The following ATP6V1H variants were observed in gnomAD, a reference collection of about 807,000 sequenced individuals.
ATP6V1H encodes the protein V-type proton ATPase subunit H.
Under a neutral mutation model 71.7 loss-of-function variants are expected in ATP6V1H, and 39 were observed. The ratio of observed to expected loss-of-function variants is 0.54; its 90% CI spans 0.42 to 0.71. ATP6V1H has a LOEUF of 0.71. Among genes scored for constraint, ATP6V1H ranks in the 30% least tolerant of loss-of-function variants. ATP6V1H has a pLI of 0.00. For synonymous variants in ATP6V1H, 192 were observed against 199.3 expected, an observed-to-expected ratio of 0.96 and a Z score of 0.31; for missense variants, 509 against 594.9, an observed-to-expected ratio of 0.86 and a Z score of 1.50.
chr8:53,794,625 C>G (rs2130410870), intron 9 of ATP6V1H, among the ~76,000 whole-genome samples: 1 of 152,284 alleles, frequency 6.6e-6, no homozygotes, highest in African/African-American at 2.4e-5. Flanking sequence ...CTCGGCCTCC[C>G]AAAGTGCTGG....
chr8:53,736,116 T>C (rs575447424), intron 13 of ATP6V1H, among the ~76,000 whole-genome samples: 3 of 152,370 alleles, frequency 2.0e-5, no homozygotes, highest in Admixed American at 6.5e-5. Context: ...GTTTTACTAT[T>C]GTTCTGTCAC....
intron 12 of ATP6V1H, among the ~76,000 whole-genome samples, chr8:53,755,718 ATATATATATATATATATATATATAT>A (rs1423070229): frequency 1.4e-3 from 7 of 5,056 alleles, no homozygotes; most frequent in African/African-American, 7.9e-3. Flanking sequence ...ATATATATAT[ATATATATATATATATATATATATAT>A]ATTTTTTTTT....
intron 11 of ATP6V1H, among the ~76,000 whole-genome samples, 194 bp from the exon 12 acceptor site, chr8:53,756,850 A>G (rs536502602): frequency 6.6e-6 from 1 of 152,342 alleles, no homozygotes; most frequent in South Asian, 2.1e-4. Context: ...TTTCTTTCAG[A>G]TTCACAATGT....
chr8:53,747,259 A>C (rs541489628), intron 12 of ATP6V1H, among the ~76,000 whole-genome samples: 2 of 152,340 alleles, frequency 1.3e-5, no homozygotes, highest in East Asian at 3.9e-4. Context: ...CATATTGCTA[A>C]AAATGGTTAA....
At chr8:53,739,070 G>T (rs1185449929) in intron 13 of ATP6V1H, among the ~76,000 whole-genome samples, 1 of 151,916 alleles carries the variant, frequency 6.6e-6, no homozygotes, top group Non-Finnish European at 1.5e-5. Flanking sequence ...AACAGACCAG[G>T]TACCCAGAAA....
intron 11 of ATP6V1H, among the ~76,000 whole-genome samples, chr8:53,761,448 C>A (rs1808271876): frequency 1.3e-5 from 2 of 151,902 alleles, no homozygotes; most frequent in Admixed American, 6.6e-5. Flanking sequence ...AAAATTAAAA[C>A]CTAACACCAG....
intron 4 of ATP6V1H, among the ~76,000 whole-genome samples, chr8:53,818,198 T>C (rs139780780): frequency 1.1e-4 from 16 of 152,336 alleles, no homozygotes; most frequent in African/African-American, 3.8e-4. Flanking sequence ...AATACTTTTT[T>C]AAAAATTTTT....
chr8:53,777,498 G>A (rs1028057633), intron 9 of ATP6V1H, among the ~76,000 whole-genome samples: 1 of 151,606 alleles, frequency 6.6e-6, no homozygotes, highest in Admixed American at 6.6e-5. Context: ...AAAAAAAACA[G>A]AACTATATCC....
Position 53,810,612 on chromosome 8 carries a change from C to T in ATP6V1H, c.579+552G>A, listed in dbSNP as rs555057091. Among the ~76,000 whole-genome samples the T allele has an allele frequency of 5.9e-5, 9 of 152,102 alleles. No individual in the cohort carries two copies. The South Asian group carries it at 1.0e-3, about 18-fold the overall frequency. On this transcript the variant is annotated intron_variant, in intron 7 of 13. Coordinates refer to ENST00000359530, the MANE Select transcript of ATP6V1H (RefSeq NM_015941.4). ...AAAATTAGCTGGGTGTGGTGGCGGGCGCTTGTAGTCCCAGCTACTCGGGAG... is the reference window on the plus strand; with the variant it reads ...AAAATTAGCTGGGTGTGGTGGCGGGTGCTTGTAGTCCCAGCTACTCGGGAG...
chr8:53,822,165 C>G (rs1168225661), intron 4 of ATP6V1H, among the ~76,000 whole-genome samples: 1 of 152,030 alleles, frequency 6.6e-6, no homozygotes, highest in African/African-American at 2.4e-5. Flanking sequence ...ATGAAGATTA[C>G]AGGAAAAAAT....
intron 13 of ATP6V1H, among the ~76,000 whole-genome samples, chr8:53,738,315 G>A (rs1007729780): frequency 5.3e-5 from 8 of 149,670 alleles, no homozygotes; most frequent in African/African-American, 1.5e-4. Context: ...AAAAAAATGC[G>A]TGCACGTGCA....
chr8:53,736,940 T>A (rs1000972074), intron 13 of ATP6V1H, among the ~76,000 whole-genome samples: 1 of 152,264 alleles, frequency 6.6e-6, no homozygotes, highest in Non-Finnish European at 1.5e-5. Flanking sequence ...GCTTGTATTA[T>A]CTATAGATTC....
intron 8 of ATP6V1H, among the ~76,000 whole-genome samples, chr8:53,798,196 A>T (rs1158068862): frequency 6.6e-6 from 1 of 152,170 alleles, no homozygotes; most frequent in Non-Finnish European, 1.5e-5. Flanking sequence ...AAAGTCAGCA[A>T]ACTATATAGA....
intron 4 of ATP6V1H, among the ~76,000 whole-genome samples, chr8:53,823,841 A>C (rs1332121761): frequency 1.3e-5 from 2 of 152,222 alleles, no homozygotes; most frequent in Non-Finnish European, 2.9e-5. Context: ...TGCTAGTAAA[A>C]GAACAAAGTA....
chr8:53,765,457 ACACACAC>A (rs1265797462), intron 11 of ATP6V1H, among the ~76,000 whole-genome samples: 26 of 11,204 alleles, frequency 2.3e-3, no homozygotes, highest in Non-Finnish European at 8.7e-3. Context: ...CAACAACAAC[ACACACAC>A]ACACACACAC....
chr8:53,777,540 C>A lies in ATP6V1H; in HGVS notation c.871-5373G>T, dbSNP rs139607364. Reference sequence around the variant, plus strand: ...AATATCCTTCCAGAATAAAGGTAAACTAAAATCATTTTTTATAATAACCTG... The same window carrying A: ...AATATCCTTCCAGAATAAAGGTAAAATAAAATCATTTTTTATAATAACCTG... On this transcript the variant is annotated intron_variant, in intron 9 of 13. Coordinates refer to ENST00000359530, the MANE Select transcript of ATP6V1H (RefSeq NM_015941.4). 2.2e-3 allele frequency among the ~76,000 whole-genome samples: 338 copies of A among 151,678 alleles called. 2 individuals are homozygous for A. The highest frequency in any genetic ancestry group is 7.9e-3 in the African/African-American group (327 of 41,384).
intron 13 of ATP6V1H, among the ~76,000 whole-genome samples, chr8:53,723,585 A>G (rs1316673682): frequency 6.6e-6 from 1 of 152,190 alleles, no homozygotes; most frequent in Non-Finnish European, 1.5e-5. Context: ...CATGTCTCCA[A>G]CTTTATTTTG....
At chr8:53,782,815 T>A (rs767155743) in intron 9 of ATP6V1H, among the ~76,000 whole-genome samples, 68 of 152,210 alleles carry the variant, frequency 4.5e-4, no homozygotes, top group Admixed American at 9.8e-4. Flanking sequence ...GGTTTTTGTC[T>A]TTGGTTCTGT....
At position 53,838,789 on chromosome 8, in the gene ATP6V1H, AT is replaced by A. The variant is rs372511155; in HGVS notation, c.113+2788del. Among the ~76,000 whole-genome samples the A allele has an allele frequency of 3.7e-3, 568 of 152,344 alleles. 6 individuals are homozygous for A. The highest frequency in any genetic ancestry group is 0.013 in the African/African-American group (532 of 41,568). ...AATACTGTATTTTCATAACATATTA[AT>A]TTGTGAAGAACAAAAGCATATTGGG... On this transcript the variant is annotated intron_variant, in intron 2 of 13. Coordinates refer to ENST00000359530, the MANE Select transcript of ATP6V1H (RefSeq NM_015941.4).
Sources: gnomAD v4.1 joint callset for allele counts (sites outside exome capture counted in the v4.1 genomes callset) on GRCh38, gnomAD v4.1.1 for gene constraint, MANE v1.5 for transcripts, NCBI Gene and HGNC (gene_info 2026-07-23, HGNC 2026-07-21) for gene names.